The following QPCTL variants were observed in gnomAD, a reference collection of about 807,000 sequenced individuals.
The protein encoded by QPCTL is glutaminyl-peptide cyclotransferase-like protein.
Under a neutral mutation model 34.6 loss-of-function variants are expected in QPCTL, and 31 were observed. The ratio of observed to expected loss-of-function variants is 0.90; its 90% CI spans 0.67 to 1.21. The LOEUF (loss-of-function observed/expected upper bound fraction) is 1.21, where lower values mean the gene tolerates loss of function less well. Among genes scored for constraint, QPCTL ranks in the 50% most tolerant of loss-of-function variants. The pLI, the probability that QPCTL is intolerant of heterozygous loss-of-function variation, is 0.00. For synonymous variants in QPCTL, 223 were observed against 226.9 expected (o/e 0.98, Z 0.15); for missense variants, 474 against 507.8 (o/e 0.93, Z 0.64).
chr19:45,703,085 A>C lies in QPCTL; in HGVS notation c.*36A>C. 1 of 1,613,170 alleles carries C rather than the reference A, an allele frequency of 6.2e-7. No homozygotes were observed. The highest frequency in any genetic ancestry group is 8.5e-7 in the Non-Finnish European group (1 of 1,179,226). On this transcript the variant is annotated 3_prime_UTR_variant, in exon 7 of 7. Transcript: ENST00000012049. ...CAATGACTGTGGAGAGGACTGTGAG[A>C]GAGAAGGTCCCAGCGGGGGCCAGTG...
rs567798393 is a variant in QPCTL, at chr19:45,701,189, A to C, written c.887-609A>C. Among the ~76,000 whole-genome samples, 9 of 152,020 alleles carry C rather than the reference A, an allele frequency of 5.9e-5. No individual in the cohort carries two copies. The South Asian group carries it at 1.2e-3, about 21-fold the overall frequency. On this transcript the variant is annotated intron_variant, in intron 5 of 6. Transcript: ENST00000012049. ...AGTCCTAGCTATTTGGGAGGCTGAG[A>C]CTGAAGGATCACTTAGGCCAGCGAG...
chr19:45,698,299 T>G (rs1568538754), intron 3 of QPCTL, among the ~76,000 whole-genome samples: 1 of 151,910 alleles, frequency 6.6e-6, no homozygotes, highest in Non-Finnish European at 1.5e-5. Context: ...TTAACCCCAT[T>G]TATAGATGAA....
intron 2 of QPCTL, among the ~76,000 whole-genome samples, chr19:45,695,214 A>T (rs950607703): frequency 2.0e-4 from 30 of 152,088 alleles, no homozygotes; most frequent in Non-Finnish European, 3.8e-4. Flanking sequence ...TGAAGCCAGG[A>T]GGCAGAGGTT....
intron 3 of QPCTL, 89 bp downstream of exon 3, chr19:45,695,807 C>G: frequency 7.1e-7 from 1 of 1,403,602 alleles, no homozygotes; most frequent in South Asian, 1.4e-5. Context: ...TGTCATCCCT[C>G]TCGTCTTCCC....
At chr19:45,695,923 C>T (rs576548824) in intron 3 of QPCTL, among the ~76,000 whole-genome samples, 1 of 151,908 alleles carries the variant, frequency 6.6e-6, no homozygotes, top group Non-Finnish European at 1.5e-5. Context: ...CTTGGCTCCC[C>T]GCAACCTCTG....
Position 45,692,702 on chromosome 19 carries a change from C to T in QPCTL, c.-2C>T. The T allele has an allele frequency of 6.5e-7, 1 of 1,538,400 alleles. No individual in the cohort carries two copies. Among genetic ancestry groups the T allele is most frequent in the Non-Finnish European group, 8.8e-7 (1 of 1,140,850 alleles). ...TGGTACAGGTTTCAGGGCAAAGCGG[C>T]CATGCGTTCCGGGGGCCGCGGGCGA... On this transcript the variant is annotated 5_prime_UTR_variant, in exon 1 of 7. Transcript: ENST00000012049.
intron 5 of QPCTL, among the ~76,000 whole-genome samples, chr19:45,700,890 C>T (rs891841885): frequency 2.2e-4 from 31 of 138,440 alleles, no homozygotes; most frequent in African/African-American, 7.0e-4. Context: ...ACCCGGGAGG[C>T]GGAGGTTGCA....
intron 5 of QPCTL, among the ~76,000 whole-genome samples, chr19:45,700,908 G>C (rs1009427518): frequency 6.9e-6 from 1 of 145,908 alleles, no homozygotes; most frequent in African/African-American, 2.5e-5. Flanking sequence ...GCAGTGAGCC[G>C]AGATTGTGCT....
chr19:45,697,227 C>T (rs999905430), intron 3 of QPCTL, among the ~76,000 whole-genome samples: 4 of 151,932 alleles, frequency 2.6e-5, no homozygotes, highest in Admixed American at 1.3e-4. Context: ...GAGATTGAGA[C>T]CATCCTGGCT....
chr19:45,696,650 G>C (rs1967701636), intron 3 of QPCTL, among the ~76,000 whole-genome samples: 1 of 151,544 alleles, frequency 6.6e-6, no homozygotes, highest in Admixed American at 6.6e-5. Context: ...GAGAGGGGAG[G>C]ATGGCTTGAG....
chr19:45,700,731 T>A (rs1444738426), intron 5 of QPCTL, among the ~76,000 whole-genome samples: 2 of 151,200 alleles, frequency 1.3e-5, no homozygotes, highest in African/African-American at 4.9e-5. Flanking sequence ...GAGGCCGAGG[T>A]GGGCGAATCA....
Position 45,701,900 on chromosome 19 carries a change from C to T in QPCTL, c.989C>T (p.Pro330Leu), listed in dbSNP as rs1967818843. 1.2e-6 allele frequency: 2 copies of T among 1,612,024 alleles called. No homozygotes were observed. The highest frequency in any genetic ancestry group is 2.2e-5 in the East Asian group (1 of 44,878). ...PFGSVEDDHI[P>L]FLRRGVPVLH... ...GGCTCTGTGGAAGACGACCACATCCCCTTCCTCCGCAGAGGTACCAGCTGC... is the reference window on the plus strand; with the variant it reads ...GGCTCTGTGGAAGACGACCACATCCTCTTCCTCCGCAGAGGTACCAGCTGC... The change falls in exon 6 of 7, where the codon CCC becomes CTC. Residue 330 changes from proline to leucine, a missense_variant. Physicochemically the swap from Pro to Leu is moderately conservative, Grantham distance 98. Coordinates refer to ENST00000012049, the MANE Select transcript of QPCTL (RefSeq NM_017659.4).
At chr19:45,697,207 G>T (rs1230659906) in intron 3 of QPCTL, among the ~76,000 whole-genome samples, 1 of 151,856 alleles carries the variant, frequency 6.6e-6, no homozygotes, top group South Asian at 2.1e-4. Context: ...CAGGTGGATC[G>T]TGAGGTCAGG....
intron 3 of QPCTL, among the ~76,000 whole-genome samples, chr19:45,698,282 CCT>C (rs1600341851): frequency 6.6e-6 from 1 of 151,594 alleles, no homozygotes; most frequent in Non-Finnish European, 1.5e-5. Flanking sequence ...AAACAAAAAA[CCT>C]CTTATTAACC....
rs1342929982 is a variant in QPCTL at position 45,702,989 on chromosome 19, C to T, written c.1089C>T (p.Pro363=). Residue 363 remains proline (P), a synonymous_variant, in exon 7 of 7, where the codon CCC becomes CCT. Coordinates refer to ENST00000012049, the MANE Select transcript of QPCTL (RefSeq NM_017659.4). ...PADTEVNLHP[P]TVHNLCRILA... ...ACACCGAGGTCAATCTCCACCCACC[C>T]ACGGTACACAACTTGTGCCGCATTC... 1.4e-5 allele frequency: 22 copies of T among 1,614,004 alleles called. No homozygotes were observed. The highest frequency in any genetic ancestry group is 1.9e-5 in the Non-Finnish European group (22 of 1,180,026).
At chr19:45,699,035 T>TTC in intron 5 of QPCTL, 135 bp downstream of exon 5, 1 of 545,302 alleles carries the variant, frequency 1.8e-6, no homozygotes, top group East Asian at 3.5e-5. Context: ...CCCCATCTTT[T>TTC]TTTTTTTTTT....
chr19:45,700,247 C>G (rs1736905780), intron 5 of QPCTL, among the ~76,000 whole-genome samples: 1 of 152,004 alleles, frequency 6.6e-6, no homozygotes, highest in African/African-American at 2.4e-5. Context: ...GAGTTTGAGA[C>G]CAGCCTGGCG....
At position 45,698,470 on chromosome 19, in the gene QPCTL, G is replaced by A. The variant is rs1359767497; in HGVS notation, c.634-77G>A. ...TATGTGTTCTCTTAAGCATGCAAGC[G>A]GGCAAGAAGTGTGGGTATGTTGAGG... On this transcript the variant is annotated intron_variant, in intron 3 of 6. Coordinates refer to ENST00000012049, the MANE Select transcript of QPCTL (RefSeq NM_017659.4). 16 of 1,550,010 alleles carry A rather than the reference G, an allele frequency of 1.0e-5. 1 individual carries two copies. Among genetic ancestry groups the A allele is most frequent in the South Asian group, 9.3e-5 (8 of 86,028 alleles).
intron 6 of QPCTL, among the ~76,000 whole-genome samples, 183 bp from the exon 7 acceptor site, chr19:45,702,721 G>T (rs1329329947): frequency 6.6e-6 from 1 of 150,752 alleles, no homozygotes; most frequent in Non-Finnish European, 1.5e-5. Context: ...CCGAGATCAC[G>T]CCACTGCACT....
Sources: gnomAD v4.1 joint callset for allele counts (sites outside exome capture counted in the v4.1 genomes callset) on GRCh38, gnomAD v4.1.1 for gene constraint, MANE v1.5 for transcripts, NCBI Gene and HGNC (gene_info 2026-07-23, HGNC 2026-07-21) for gene names.